The following CDH18 variants were observed in gnomAD, a reference collection of about 807,000 sequenced individuals.
The protein encoded by CDH18 is cadherin-18.
CDH18 carries 31 observed loss-of-function variants against 67.9 expected under a neutral mutation model. The observed-to-expected ratio is 0.46, with a 90% CI of 0.34 to 0.62. The LOEUF (loss-of-function observed/expected upper bound fraction) is 0.62, where lower values mean the gene tolerates loss of function less well. CDH18 is among the 20% of genes least tolerant of loss of function. The pLI is 0.01. For synonymous variants in CDH18, 362 were observed against 347.2 expected, an observed-to-expected ratio of 1.04 and a Z score of -0.48; for missense variants, 890 against 975.5, an observed-to-expected ratio of 0.91 and a Z score of 1.17.
chr5:19,953,769 G>A (rs1230650760), intron 2 of CDH18, among the ~76,000 whole-genome samples: 1 of 151,940 alleles, frequency 6.6e-6, no homozygotes. Context: ...TTCTTCCATA[G>A]CCTTTTGCCT....
At chr5:20,363,837 G>T (rs1742301799) in intron 1 of CDH18, among the ~76,000 whole-genome samples, 1 of 151,652 alleles carries the variant, frequency 6.6e-6, no homozygotes, top group African/African-American at 2.4e-5. Context: ...CCAAATTATT[G>T]CTTTCTTCCA....
chr5:20,524,249 A>T (rs1351393264), intron 1 of CDH18, among the ~76,000 whole-genome samples: 2 of 152,176 alleles, frequency 1.3e-5, no homozygotes, highest in African/African-American at 4.8e-5. Context: ...TCTCAGTGTG[A>T]ATTTAGACTT....
At chr5:20,167,002 G>A (rs2126633531) in intron 2 of CDH18, among the ~76,000 whole-genome samples, 1 of 152,126 alleles carries the variant, frequency 6.6e-6, no homozygotes, top group East Asian at 1.9e-4. Flanking sequence ...AAGAATAATG[G>A]GGAGAAATGA....
intron 1 of CDH18, among the ~76,000 whole-genome samples, chr5:20,495,659 T>G (rs1403102538): frequency 6.6e-6 from 1 of 150,840 alleles, no homozygotes; most frequent in Non-Finnish European, 1.5e-5. Flanking sequence ...CAAGAAAGAG[T>G]TTATACTAAT....
chr5:19,580,242 CAT>C (rs910465120), intron 7 of CDH18, among the ~76,000 whole-genome samples: 4 of 151,770 alleles, frequency 2.6e-5, no homozygotes, highest in Non-Finnish European at 5.9e-5. Flanking sequence ...AAAGTCCACA[CAT>C]GTTTAAAAAT....
At chr5:20,259,001 A>G (rs994678141) in intron 1 of CDH18, among the ~76,000 whole-genome samples, 1 of 152,164 alleles carries the variant, frequency 6.6e-6, no homozygotes, top group African/African-American at 2.4e-5. Flanking sequence ...GAGATACTTT[A>G]TCACCCACAA....
intron 10 of CDH18, among the ~76,000 whole-genome samples, chr5:19,505,454 T>C (rs1284136968): frequency 6.6e-6 from 1 of 152,144 alleles, no homozygotes; most frequent in Non-Finnish European, 1.5e-5. Flanking sequence ...GGCTGTGGGT[T>C]TGTCATAGAT....
chr5:19,511,151 A>G (rs1176755892), intron 10 of CDH18, among the ~76,000 whole-genome samples: 2 of 152,038 alleles, frequency 1.3e-5, no homozygotes, highest in Non-Finnish European at 2.9e-5. Context: ...CCCATCTCTC[A>G]GCACTTCTCT....
In CDH18 at chr5:20,512,575, A is replaced by G. The variant is rs1017762933; in HGVS notation, c.-580+62887T>C. On this transcript the variant is annotated intron_variant, in intron 1 of 14. Transcript: ENST00000507958. ...TTCTGTAATTTGTAAACTAAGGAAC[A>G]TACAAAGCTAAAAACTTGACTCAGC... 3.9e-5 allele frequency among the ~76,000 whole-genome samples: 6 copies of G among 152,110 alleles called. No homozygotes were observed. In the South Asian group the frequency reaches 1.0e-3, roughly 26 times the overall value.
chr5:20,037,958 C>T (rs1349479074), intron 2 of CDH18, among the ~76,000 whole-genome samples: 1 of 151,732 alleles, frequency 6.6e-6, no homozygotes, highest in Non-Finnish European at 1.5e-5. Flanking sequence ...GCTAGCCAAA[C>T]TAATAAAGAA....
At chr5:19,770,559 T>A (rs1773615553) in intron 3 of CDH18, among the ~76,000 whole-genome samples, 2 of 151,912 alleles carry the variant, frequency 1.3e-5, no homozygotes, top group Non-Finnish European at 2.9e-5. Context: ...CTAATGGCAG[T>A]ATGCCAGCTA....
intron 2 of CDH18, among the ~76,000 whole-genome samples, chr5:19,913,483 C>T (rs1428234264): frequency 6.6e-6 from 1 of 152,108 alleles, no homozygotes; most frequent in African/African-American, 2.4e-5. Context: ...TGACTTTTCC[C>T]AGACTCTTTG....
intron 5 of CDH18, among the ~76,000 whole-genome samples, chr5:19,715,344 T>C (rs1287428522): frequency 2.0e-5 from 3 of 152,168 alleles, no homozygotes; most frequent in Non-Finnish European, 4.4e-5. Flanking sequence ...ACTGAGTTCA[T>C]TTTTATAGCT....
At position 20,111,538 on chromosome 5, in the gene CDH18, CCT is replaced by C. The variant is rs1747464817; in HGVS notation, c.-517-119526_-517-119525del. ...CCCTCCCTCCCTCCCTTCCTTCCTT[CCT>C]TCTTTCTTTTTTTTTTTTTTTTTTT... On this transcript the variant is annotated intron_variant, in intron 2 of 14. Transcript: ENST00000507958. Among the ~76,000 whole-genome samples the C allele has an allele frequency of 2.5e-5, 3 of 121,148 alleles. No individual in the cohort carries two copies. The South Asian group carries it at 9.7e-4, about 39-fold the overall frequency. The allele number at this position is 121,148 out of a possible 152,430, so 79.5% of individuals were successfully genotyped here.
chr5:20,373,687 C>A (rs1407246077), intron 1 of CDH18, among the ~76,000 whole-genome samples: 1 of 151,248 alleles, frequency 6.6e-6, no homozygotes, highest in Non-Finnish European at 1.5e-5. Flanking sequence ...ACAATTAGGC[C>A]AAGAACTATG....
intron 2 of CDH18, among the ~76,000 whole-genome samples, chr5:20,187,727 T>G (rs1378635424): frequency 2.6e-5 from 4 of 151,886 alleles, no homozygotes; most frequent in Non-Finnish European, 4.4e-5. Context: ...GTTGATATTT[T>G]AGAGTATTAT....
At position 19,677,989 on chromosome 5, in the gene CDH18, TAAAG is replaced by T. The variant is rs369212987; in HGVS notation, c.643+43354_643+43357del. Reference sequence around the variant, plus strand: ...TAAAACACAGGAGAACCAAGATTCATAAAGAAAGTTCTTAGAGACCTACAAAGAC... The same window carrying T: ...TAAAACACAGGAGAACCAAGATTCATAAAGTTCTTAGAGACCTACAAAGAC... On this transcript the variant is annotated intron_variant, in intron 5 of 12. Coordinates refer to ENST00000382275, the MANE Select transcript of CDH18 (RefSeq NM_004934.5). Among the ~76,000 whole-genome samples the T allele has an allele frequency of 3.8e-3, 579 of 151,932 alleles. 2 individuals are homozygous for T. The highest frequency in any genetic ancestry group is 0.013 in the African/African-American group (559 of 41,488).
Position 19,667,507 on chromosome 5 carries a change from T to TATACAC in CDH18, c.643+53839_643+53840insGTGTAT, listed in dbSNP as rs375306723. On this transcript the variant is annotated intron_variant, in intron 5 of 12. Transcript: ENST00000382275. ...TATATATGTTATATATATATATATA[T>TATACAC]ACACACACACACACACACACACATA... 1.4e-3 allele frequency among the ~76,000 whole-genome samples: 187 copies of TATACAC among 129,250 alleles called. No individual in the cohort carries two copies. In the Middle Eastern group the frequency reaches 0.02, roughly 14 times the overall value. 84.8% of individuals were successfully genotyped at this position (129,250 alleles called of 152,430 possible).
chr5:20,199,024 G>T (rs755990344), intron 2 of CDH18, among the ~76,000 whole-genome samples: 1 of 152,242 alleles, frequency 6.6e-6, no homozygotes, highest in Non-Finnish European at 1.5e-5. Context: ...GCAGAAGTGT[G>T]CTGCAGGGGC....
Sources: allele counts gnomAD v4.1 joint callset (sites outside exome capture counted in the v4.1 genomes callset), GRCh38; gene constraint gnomAD v4.1.1; transcripts MANE v1.5; gene names NCBI Gene and HGNC (gene_info 2026-07-23, HGNC 2026-07-21).